RUSC2: variants seen among roughly 807,000 people sequenced by gnomAD.
RUSC2 encodes AP-4 complex accessory subunit RUSC2.
RUSC2 carries 34 observed loss-of-function variants against 122.2 expected under a neutral mutation model. The observed-to-expected ratio is 0.28, with a 90% CI of 0.21 to 0.37. The LOEUF is 0.37. Among genes scored for constraint, RUSC2 ranks in the 10% least tolerant of loss-of-function variants. The pLI is 1.00. For missense variants in RUSC2, 1,747 were observed against 1,952.4 expected (o/e 0.89, Z 1.98); for synonymous variants, 784 against 790.0 (o/e 0.99, Z 0.13).
rs187422900 is a variant in RUSC2 at position 35,545,423 on chromosome 9, C to T, written c.-92-1007C>T. On this transcript the variant is annotated intron_variant, in intron 1 of 11. Transcript: ENST00000361226. Reference sequence around the variant, plus strand: ...AGAACTTGAGCAGGCCACACTGCCACGGTGCAGCCAAGAGACCAGAGAAGC... The same window carrying T: ...AGAACTTGAGCAGGCCACACTGCCATGGTGCAGCCAAGAGACCAGAGAAGC... Among the ~76,000 whole-genome samples the T allele has an allele frequency of 1.1e-4, 17 of 152,336 alleles. No homozygotes were observed. The East Asian group carries it at 2.1e-3, about 19-fold the overall frequency.
chr9:35,528,101 A>G (rs1821355200), intron 1 of RUSC2, among the ~76,000 whole-genome samples: 1 of 152,208 alleles, frequency 6.6e-6, no homozygotes, highest in Non-Finnish European at 1.5e-5. Flanking sequence ...AAAAGTATAT[A>G]TTGCCCAGGC....
rs1821811059 is a variant in RUSC2, at chr9:35,548,234, G to A, written c.1713G>A (p.Gln571=). 1.9e-6 allele frequency: 3 copies of A among 1,613,556 alleles called. No homozygotes were observed. In the African/African-American group the frequency reaches 4.0e-5, roughly 22 times the overall value. ...GTGTGAGTGTTGGGGACTCCTCCCA[G>A]GAGTTCTCACCCATCCAAGAAGCCC... ...PLRVSVGDSS[Q]EFSPIQEAQQ... The change falls in exon 2 of 12, where the codon CAG becomes CAA. Residue 571 remains glutamine (Q), a synonymous_variant. Transcript: ENST00000361226. The surrounding 1 kb of genome is among the most constrained non-coding windows in gnomAD (Gnocchi z 4.5).
intron 1 of RUSC2, among the ~76,000 whole-genome samples, chr9:35,492,854 G>C (rs987916271): frequency 1.3e-5 from 2 of 152,022 alleles, no homozygotes; most frequent in Admixed American, 1.3e-4. Context: ...CTCCGCCCCA[G>C]GCAACCACCA....
chr9:35,517,616 A>T (rs767837506), intron 1 of RUSC2, among the ~76,000 whole-genome samples: 36 of 152,210 alleles, frequency 2.4e-4, no homozygotes, highest in Non-Finnish European at 4.3e-4. Context: ...GTGGAAATTA[A>T]TACCTTATGT....
rs745598972 is a variant in RUSC2, at chr9:35,546,971, A to G, written c.450A>G (p.Pro150=). Residue 150 remains proline, a synonymous_variant, in exon 2 of 12, where the codon CCA becomes CCG. Transcript: ENST00000361226. This position sits in a 1 kb window ranked among gnomAD's most constrained non-coding sequence, Gnocchi z 4.3. ...NFHLSSFQLP[P]SGPRVGRPWG... ...ATCTATCCTCTTTCCAGCTGCCACCATCTGGCCCCAGAGTGGGCAGGCCAT... is the reference window on the plus strand; with the variant it reads ...ATCTATCCTCTTTCCAGCTGCCACCGTCTGGCCCCAGAGTGGGCAGGCCAT... 4.4e-6 allele frequency: 7 copies of G among 1,585,586 alleles called. No individual in the cohort carries two copies. The highest frequency in any genetic ancestry group is 2.2e-5 in the East Asian group (1 of 44,604).
intron 1 of RUSC2, among the ~76,000 whole-genome samples, chr9:35,527,826 C>T (rs1166021017): frequency 6.6e-6 from 1 of 152,234 alleles, no homozygotes; most frequent in African/African-American, 2.4e-5. Context: ...AGCTGTGGAA[C>T]ACCACCTACC....
intron 1 of RUSC2, among the ~76,000 whole-genome samples, chr9:35,508,204 G>T (rs1447990762): frequency 6.6e-6 from 1 of 152,108 alleles, no homozygotes; most frequent in Non-Finnish European, 1.5e-5. Flanking sequence ...CTCCTCTCTA[G>T]TTGGAGGAAA....
chr9:35,524,730 G>C (rs1161497982), intron 1 of RUSC2, among the ~76,000 whole-genome samples: 1 of 152,190 alleles, frequency 6.6e-6, no homozygotes, highest in African/African-American at 2.4e-5. Context: ...CCAGCACTTT[G>C]GGAGGCCGAG....
At chr9:35,518,167 T>C (rs965928068) in intron 1 of RUSC2, among the ~76,000 whole-genome samples, 1 of 152,240 alleles carries the variant, frequency 6.6e-6, no homozygotes, top group African/African-American at 2.4e-5. Context: ...CATCCTTGAA[T>C]GACAGGGAAA....
intron 1 of RUSC2, among the ~76,000 whole-genome samples, chr9:35,524,957 C>T (rs1035816451): frequency 8.1e-5 from 12 of 148,310 alleles, no homozygotes; most frequent in African/African-American, 2.2e-4. Flanking sequence ...GGGGACAGAG[C>T]GAGACTCCAT....
chr9:35,535,659 T>C (rs1161511232), intron 1 of RUSC2, among the ~76,000 whole-genome samples: 1 of 151,618 alleles, frequency 6.6e-6, no homozygotes, highest in African/African-American at 2.4e-5. Context: ...CTGCCTCAGC[T>C]TGCTGAGTAG....
chr9:35,498,082 A>G (rs1564241841), intron 1 of RUSC2, among the ~76,000 whole-genome samples: 3 of 152,066 alleles, frequency 2.0e-5, no homozygotes, highest in South Asian at 4.1e-4. Context: ...TATTAGTTCT[A>G]ATGTTTTTGT....
Position 35,560,452 on chromosome 9 carries a change from G to T in RUSC2, c.3812G>T (p.Trp1271Leu), listed in dbSNP as rs750561995. The change falls in exon 10 of 12, where the codon TGG becomes TTG. Residue 1271 changes from tryptophan to leucine, a missense_variant. Coordinates refer to ENST00000361226, the MANE Select transcript of RUSC2 (RefSeq NM_014806.5). ...GCCCGAGGTGGGCAGGCCGGCTGGT[G>T]GTACCAGCTCATGCAGAGCTCCCAG... ...RWARGGQAGW[W>L]YQLMQSSQVY... 6.2e-7 allele frequency: 1 copy of T among 1,614,208 alleles called. No individual in the cohort carries two copies. The highest frequency in any genetic ancestry group is 1.7e-5 in the Admixed American group (1 of 60,032).
At position 35,556,146 on chromosome 9, in the gene RUSC2, G is replaced by A. The variant is rs369496814; in HGVS notation, c.2842+9G>A. 2 of 1,613,828 alleles carry A rather than the reference G, an allele frequency of 1.2e-6. No homozygotes were observed. Among genetic ancestry groups the A allele is most frequent in the Non-Finnish European group, 8.5e-7 (1 of 1,179,794 alleles). ...GAACTGCCGGCTGAATGGTGTGTGA[G>A]CAGGGTCCCCAGTACACCCGGGGCA... On this transcript the variant is annotated intron_variant, in intron 4 of 11. Coordinates refer to ENST00000361226, the MANE Select transcript of RUSC2 (RefSeq NM_014806.5).
chr9:35,543,413 A>C (rs2132546792), intron 1 of RUSC2, among the ~76,000 whole-genome samples: 1 of 152,250 alleles, frequency 6.6e-6, no homozygotes, highest in South Asian at 2.1e-4. Context: ...TAGAGTGAGA[A>C]CCTGTCTCAA....
At chr9:35,520,043 A>C (rs1821183006) in intron 1 of RUSC2, among the ~76,000 whole-genome samples, 1 of 152,246 alleles carries the variant, frequency 6.6e-6, no homozygotes, top group African/African-American at 2.4e-5. Flanking sequence ...TGGGGGCTTA[A>C]GTAAACAAAA....
At chr9:35,519,586 G>A (rs1204943712) in intron 1 of RUSC2, among the ~76,000 whole-genome samples, 3 of 152,048 alleles carry the variant, frequency 2.0e-5, no homozygotes, top group Non-Finnish European at 4.4e-5. Context: ...CCTAGTGTGG[G>A]GGAGGAAAAA....
rs1189651387 is a variant in RUSC2 at position 35,546,820 on chromosome 9, A to T, written c.299A>T (p.His100Leu). 1 of 1,612,166 alleles carries T rather than the reference A, an allele frequency of 6.2e-7. No individual in the cohort carries two copies. The highest frequency in any genetic ancestry group is 1.7e-5 in the Admixed American group (1 of 59,802). The change falls in exon 2 of 12, where the codon CAC becomes CTC. Residue 100 changes from histidine (H) to leucine (L), a missense_variant. Coordinates refer to ENST00000361226, the MANE Select transcript of RUSC2 (RefSeq NM_014806.5). This position sits in a 1 kb window ranked among gnomAD's most constrained non-coding sequence, Gnocchi z 4.3. ...DGRGPGAPKR[H>L]NPFLLQEGVG... ...AGAGGCCCTGGAGCCCCCAAACGAC[A>T]CAACCCCTTCTTGCTGCAGGAGGGT...
chr9:35,530,649 G>GT (rs1821401908), intron 1 of RUSC2, among the ~76,000 whole-genome samples: 1 of 151,954 alleles, frequency 6.6e-6, no homozygotes, highest in South Asian at 2.1e-4. Context: ...TTTTGTTTCT[G>GT]TTTTTTATGA....
Sources: gnomAD v4.1 joint callset for allele counts (sites outside exome capture counted in the v4.1 genomes callset) on GRCh38, gnomAD v4.1.1 for gene constraint, Gnocchi (gnomAD v3.1) non-coding constraint, MANE v1.5 for transcripts, NCBI Gene and HGNC (gene_info 2026-07-23, HGNC 2026-07-21) for gene names.